MICU1: variants seen among roughly 807,000 people sequenced by gnomAD.
MICU1 encodes calcium uptake protein 1, mitochondrial.
A neutral mutation model predicts 56.8 loss-of-function variants in MICU1; 45 were observed. The ratio of observed to expected loss-of-function variants is 0.79; its 90% confidence interval spans 0.62 to 1.02. The LOEUF (loss-of-function observed/expected upper bound fraction) is 1.02. Ranked by LOEUF, MICU1 falls within the 50% of genes least tolerant of loss-of-function variation. MICU1 has a pLI of 0.00. For synonymous variants in MICU1, 186 were observed against 195.1 expected, an observed-to-expected ratio of 0.95 and a Z score of 0.39; for missense variants, 504 against 587.1, an observed-to-expected ratio of 0.86 and a Z score of 1.46.
chr10:72,528,582 CT>C (rs1839387626), intron 5 of MICU1, among the ~76,000 whole-genome samples: 1 of 152,122 alleles, frequency 6.6e-6, no homozygotes, highest in African/African-American at 2.4e-5. Flanking sequence ...CTAAATTTGA[CT>C]AGAGTAGTTC....
intron 6 of MICU1, among the ~76,000 whole-genome samples, chr10:72,505,397 G>T (rs1453194858): frequency 2.6e-5 from 4 of 152,154 alleles, no homozygotes; most frequent in Non-Finnish European, 5.9e-5. Flanking sequence ...GTGGAAACCA[G>T]TTTGACGATT....
chr10:72,624,406 C>T (rs1363601095), intron 1 of MICU1, among the ~76,000 whole-genome samples: 1 of 152,094 alleles, frequency 6.6e-6, no homozygotes, highest in African/African-American at 2.4e-5. Flanking sequence ...TGGTCTCAAA[C>T]TCCTAGATTC....
intron 5 of MICU1, among the ~76,000 whole-genome samples, chr10:72,513,336 T>C (rs1278840103): frequency 1.3e-5 from 2 of 152,250 alleles, no homozygotes; most frequent in Non-Finnish European, 2.9e-5. Context: ...CATGTGCTTT[T>C]TGACCATCTG....
chr10:72,412,854 G>GA (rs57152777), intron 9 of MICU1, among the ~76,000 whole-genome samples: 8,339 of 76,950 alleles, frequency 0.11, 645 homozygotes, highest in African/African-American at 0.22. Flanking sequence ...TCTGTCTCCA[G>GA]AAAAAAAAAA....
intron 6 of MICU1, chr10:72,477,536 T>A: frequency 6.5e-7 from 1 of 1,535,610 alleles, no homozygotes; most frequent in Non-Finnish European, 8.7e-7. Context: ...TTAGCTTTGC[T>A]TTCAGAGACA....
At chr10:72,427,962 A>G (rs1399157147) in intron 8 of MICU1, among the ~76,000 whole-genome samples, 1 of 152,010 alleles carries the variant, frequency 6.6e-6, no homozygotes, top group African/African-American at 2.4e-5. Context: ...AAATGATTAC[A>G]AGGAAAGTTC....
rs996633821 is a variant in MICU1 at position 72,423,124 on chromosome 10, T to G, written c.1071+110A>C. On this transcript the variant is annotated intron_variant, in intron 9 of 11. Coordinates refer to ENST00000361114, the MANE Select transcript of MICU1 (RefSeq NM_001195518.2). ...CCTCAGGTACCAGAAATGAATTAGG[T>G]GTAATCATTGGTTCATGAAATACTC... 8 of 1,394,244 alleles carry G rather than the reference T, an allele frequency of 5.7e-6. No homozygotes were observed. The Admixed American group carries it at 6.9e-5, about 12-fold the overall frequency. The allele number at this position is 1,394,244 out of a possible 1,614,324, so 86.4% of individuals were successfully genotyped here.
chr10:72,456,849 TTGTGTGTGTGTGTGTGTGTGTG>T (rs56262647), intron 8 of MICU1, among the ~76,000 whole-genome samples: 61,717 of 134,780 alleles, frequency 0.46, 16,688 homozygotes, highest in Non-Finnish European at 0.63. Context: ...CGGGCTCATT[TTGTGTGTGTGTGTGTGTGTGTG>T]TGTGTGTGTG....
intron 9 of MICU1, among the ~76,000 whole-genome samples, chr10:72,420,352 C>T (rs1205579120): frequency 6.6e-6 from 1 of 152,174 alleles, no homozygotes; most frequent in East Asian, 1.9e-4. Flanking sequence ...TGAGCCACTG[C>T]GCCCAGCCAT....
chr10:72,540,542 G>A (rs774421127), intron 4 of MICU1, among the ~76,000 whole-genome samples: 4 of 152,022 alleles, frequency 2.6e-5, no homozygotes, highest in South Asian at 2.1e-4. Context: ...TTGGTGTGAC[G>A]GTACACACCT....
intron 10 of MICU1, among the ~76,000 whole-genome samples, chr10:72,388,356 A>G (rs1343661725): frequency 1.3e-5 from 2 of 152,330 alleles, no homozygotes; most frequent in African/African-American, 2.4e-5. Context: ...TTCTTGCTAC[A>G]TGACTTTATT....
chr10:72,496,691 C>T (rs1866856339), intron 6 of MICU1, among the ~76,000 whole-genome samples: 1 of 152,190 alleles, frequency 6.6e-6, no homozygotes, highest in Non-Finnish European at 1.5e-5. Flanking sequence ...CCACCTTGGC[C>T]TCCCAAAGTG....
chr10:72,524,725 G>A, intron 5 of MICU1: 2 of 1,231,794 alleles, frequency 1.6e-6, no homozygotes, highest in African/African-American at 3.1e-5. Flanking sequence ...ACATGCTGCT[G>A]AGTCAGTACC....
intron 1 of MICU1, among the ~76,000 whole-genome samples, chr10:72,588,026 G>C (rs1841112355): frequency 6.6e-6 from 1 of 152,072 alleles, no homozygotes; most frequent in African/African-American, 2.4e-5. Flanking sequence ...ATGTTTAATT[G>C]TAATTGCCAG....
chr10:72,518,896 G>A (rs1399417610), intron 5 of MICU1, among the ~76,000 whole-genome samples: 3 of 152,150 alleles, frequency 2.0e-5, no homozygotes, highest in African/African-American at 7.2e-5. Context: ...GGCCAGGCTG[G>A]TCTTGAACTC....
At position 72,513,989 on chromosome 10, in the gene MICU1, T is replaced by G. The variant is rs564691387; in HGVS notation, c.538-5720A>C. Among the ~76,000 whole-genome samples, 3 of 152,280 alleles carry G rather than the reference T, an allele frequency of 2.0e-5. No individual in the cohort carries two copies. In the East Asian group the frequency reaches 5.8e-4, roughly 29 times the overall value. ...AACAAAATTTACCACTATAAACATTTTAAAGTATAAGTCTCTTCAGCTCTG... is the reference window on the plus strand; with the variant it reads ...AACAAAATTTACCACTATAAACATTGTAAAGTATAAGTCTCTTCAGCTCTG... On this transcript the variant is annotated intron_variant, in intron 5 of 11. Transcript: ENST00000361114.
chr10:72,534,981 C>T (rs916841762), intron 4 of MICU1, among the ~76,000 whole-genome samples: 6 of 84,790 alleles, frequency 7.1e-5, no homozygotes, highest in African/African-American at 2.5e-4. Flanking sequence ...ACAATTAAAA[C>T]TTTGATTGCC....
At chr10:72,549,947 A>AAAAAAG in intron 4 of MICU1, among the ~76,000 whole-genome samples, 1 of 151,468 alleles carries the variant, frequency 6.6e-6, no homozygotes, top group African/African-American at 2.4e-5. Flanking sequence ...AAAAAAAAAG[A>AAAAAAG]GAATTAGTTT....
chr10:72,506,540 T>A (rs955463238), intron 6 of MICU1, among the ~76,000 whole-genome samples: 2 of 152,196 alleles, frequency 1.3e-5, no homozygotes, highest in African/African-American at 4.8e-5. Flanking sequence ...TTAAAAAAGA[T>A]AAGGTTTATG....
Sources: gnomAD v4.1 joint callset for allele counts (sites outside exome capture counted in the v4.1 genomes callset) on GRCh38, gnomAD v4.1.1 for gene constraint, MANE v1.5 for transcripts, NCBI Gene and HGNC (gene_info 2026-07-23, HGNC 2026-07-21) for gene names.